RAD51B: variants seen among roughly 807,000 people sequenced by gnomAD.
The protein encoded by RAD51B is RAD51 paralog B.
In RAD51B, 38 loss-of-function variants were observed where a neutral mutation model predicts 42.2. That is an observed-to-expected ratio of 0.90 (90% CI 0.70 to 1.18). The LOEUF is 1.18. Among genes scored for constraint, RAD51B ranks in the 50% most tolerant of loss-of-function variants. The pLI, the probability that RAD51B is intolerant of heterozygous loss-of-function variation, is 0.00. For synonymous variants in RAD51B, 154 were observed against 145.2 expected, an observed-to-expected ratio of 1.06 and a Z score of -0.43; for missense variants, 373 against 400.7, an observed-to-expected ratio of 0.93 and a Z score of 0.59.
intron 7 of RAD51B, among the ~76,000 whole-genome samples, chr14:68,252,143 C>A (rs2080647371): frequency 6.6e-6 from 1 of 152,082 alleles, no homozygotes; most frequent in East Asian, 1.9e-4. Context: ...GTTGAGTATA[C>A]CTATAACCAG....
At chr14:68,644,060 C>T (rs1309873744) in intron 10 of RAD51B, among the ~76,000 whole-genome samples, 1 of 152,220 alleles carries the variant, frequency 6.6e-6, no homozygotes, top group Admixed American at 6.5e-5. Context: ...TTCCCTCCCA[C>T]TCTGTGCAAT....
intron 8 of RAD51B, among the ~76,000 whole-genome samples, chr14:68,380,364 C>T (rs2083456164): frequency 6.6e-6 from 1 of 152,210 alleles, no homozygotes; most frequent in African/African-American, 2.4e-5. Context: ...ACTGACCACA[C>T]ACATGGTCTC....
Position 68,574,857 on chromosome 14 carries a change from G to A in RAD51B, c.1037-19628G>A, listed in dbSNP as rs553681993. Among the ~76,000 whole-genome samples the A allele has an allele frequency of 7.9e-5, 12 of 152,294 alleles. No homozygotes were observed. The Middle Eastern group carries it at 0.01, about 130-fold the overall frequency. ...AGAAGGGGGAAAGCCTGCCAATTTA[G>A]CAAGGATTTTTGGTCTCCAGTAGCT... On this transcript the variant is annotated intron_variant, in intron 10 of 10. Coordinates refer to the RAD51B transcript ENST00000487270.
intron 7 of RAD51B, among the ~76,000 whole-genome samples, chr14:67,942,769 T>C (rs985525908): frequency 6.6e-6 from 1 of 152,180 alleles, no homozygotes; most frequent in Non-Finnish European, 1.5e-5. Flanking sequence ...TTTATACATA[T>C]AGCAAATGAA....
rs187612359 is a variant in RAD51B at position 67,856,886 on chromosome 14, T to G, written c.316-8117T>G. ...CTTTTACATTTCTCAAGCAGGTTGTTGAAACTTTGGCTCTAACTATATGAA... is the reference window on the plus strand; with the variant it reads ...CTTTTACATTTCTCAAGCAGGTTGTGGAAACTTTGGCTCTAACTATATGAA... On this transcript the variant is annotated intron_variant, in intron 4 of 10. Transcript: ENST00000471583. Among the ~76,000 whole-genome samples the G allele has an allele frequency of 1.5e-4, 23 of 152,286 alleles. No individual in the cohort carries two copies. The East Asian group carries it at 4.4e-3, about 29-fold the overall frequency.
intron 11 of RAD51B, among the ~76,000 whole-genome samples, chr14:68,658,230 G>A (rs1299124254): frequency 3.3e-5 from 5 of 152,230 alleles, no homozygotes; most frequent in African/African-American, 1.2e-4. Flanking sequence ...GCCTTGCTCT[G>A]TGGGAGCCTC....
chr14:68,157,836 G>A lies in RAD51B; in HGVS notation c.757-134048G>A, dbSNP rs114252470. Among the ~76,000 whole-genome samples, 419 of 152,292 alleles carry A rather than the reference G, an allele frequency of 2.8e-3. 1 individual carries two copies. Among genetic ancestry groups the A allele is most frequent in the African/African-American group, 9.5e-3 (394 of 41,550 alleles). On this transcript the variant is annotated intron_variant, in intron 7 of 10. Coordinates refer to ENST00000471583, the MANE Select transcript of RAD51B (RefSeq NM_133510.4). ...CAGAAAACCATAGGAGTCAGGCATTGGGTAGCTCGTGGCCATTAGTATTAT... is the reference window on the plus strand; with the variant it reads ...CAGAAAACCATAGGAGTCAGGCATTAGGTAGCTCGTGGCCATTAGTATTAT...
At chr14:68,605,483 C>A (rs767485908) in intron 10 of RAD51B, among the ~76,000 whole-genome samples, 1 of 152,246 alleles carries the variant, frequency 6.6e-6, no homozygotes, top group Non-Finnish European at 1.5e-5. Flanking sequence ...ACATGACAAT[C>A]TAAACTAAAA....
chr14:67,956,483 AAAATG>A (rs1158977728), intron 7 of RAD51B, among the ~76,000 whole-genome samples: 17 of 151,492 alleles, frequency 1.1e-4, no homozygotes, highest in Non-Finnish European at 8.9e-5. Context: ...GACTCCGTCT[AAAATG>A]AAATGAAATG....
intron 10 of RAD51B, among the ~76,000 whole-genome samples, chr14:68,498,915 C>T (rs1487077060): frequency 6.6e-6 from 1 of 152,196 alleles, no homozygotes; most frequent in East Asian, 1.9e-4. Context: ...AACCCCTGGG[C>T]AATGTCTTTC....
intron 4 of RAD51B, among the ~76,000 whole-genome samples, chr14:67,851,230 A>G (rs34384715): frequency 4.5e-3 from 678 of 152,144 alleles, no homozygotes; most frequent in African/African-American, 0.015. Context: ...TAGTCCCTAG[A>G]TGGCTGGCTG....
intron 8 of RAD51B, among the ~76,000 whole-genome samples, chr14:68,402,642 A>T (rs1398562847): frequency 6.6e-6 from 1 of 152,202 alleles, no homozygotes; most frequent in Non-Finnish European, 1.5e-5. Flanking sequence ...TCAGCAAAAG[A>T]ACCCATGCCT....
At chr14:68,321,092 T>A (rs1031190574) in intron 8 of RAD51B, among the ~76,000 whole-genome samples, 1 of 152,178 alleles carries the variant, frequency 6.6e-6, no homozygotes, top group Non-Finnish European at 1.5e-5. Context: ...TCCTGTTTCC[T>A]TTAACCACTA....
At chr14:67,863,838 G>C (rs1422406865) in intron 4 of RAD51B, among the ~76,000 whole-genome samples, 1 of 152,132 alleles carries the variant, frequency 6.6e-6, no homozygotes, top group East Asian at 1.9e-4. Context: ...AACTACCTGA[G>C]ACTGGGTAAT....
At chr14:68,067,802 T>G (rs972073992) in intron 7 of RAD51B, among the ~76,000 whole-genome samples, 33 of 151,614 alleles carry the variant, frequency 2.2e-4, no homozygotes, top group Non-Finnish European at 4.4e-4. Context: ...CTTGGTGGTA[T>G]GCACCTACAG....
At chr14:68,156,156 G>A (rs2078499537) in intron 7 of RAD51B, among the ~76,000 whole-genome samples, 1 of 152,174 alleles carries the variant, frequency 6.6e-6, no homozygotes, top group African/African-American at 2.4e-5. Flanking sequence ...CAGGGAGAGA[G>A]AATACTAGTT....
chr14:68,004,209 T>A (rs555586285), intron 7 of RAD51B, among the ~76,000 whole-genome samples: 1 of 151,860 alleles, frequency 6.6e-6, no homozygotes, highest in East Asian at 1.9e-4. Flanking sequence ...GGCGGGTGCC[T>A]GTAGTCCCAG....
At chr14:68,353,359 G>T (rs1379080030) in intron 8 of RAD51B, among the ~76,000 whole-genome samples, 2 of 152,228 alleles carry the variant, frequency 1.3e-5, no homozygotes, top group East Asian at 1.9e-4. Flanking sequence ...TTAGCGAGAG[G>T]ATATGAGCCA....
Position 68,468,395 on chromosome 14 carries a change from G to A in RAD51B, c.1036+145G>A, listed in dbSNP as rs2074563. On this transcript the variant is annotated intron_variant, in intron 10 of 10. Transcript: ENST00000471583. ...GCATTGGCCAGTGATATTTACCCTA[G>A]TGAGAGCAAGAGAGCGGCAGTTGTG... 0.39 allele frequency: 348,068 copies of A among 889,892 alleles called. 72,059 individuals carry two copies. Among genetic ancestry groups the A allele is most frequent in the African/African-American group, 0.61 (37,163 of 61,154 alleles). 55.1% of individuals were successfully genotyped at this position (889,892 alleles called of 1,614,324 possible). A position where few individuals can be genotyped will look rare whatever the true frequency, so the allele number is the denominator to read the frequency against.
Sources: gnomAD v4.1 joint callset for allele counts (sites outside exome capture counted in the v4.1 genomes callset) on GRCh38, gnomAD v4.1.1 for gene constraint, MANE v1.5 for transcripts, NCBI Gene and HGNC (gene_info 2026-07-23, HGNC 2026-07-21) for gene names.